KCNH5: variants seen among roughly 807,000 people sequenced by gnomAD.
The protein encoded by KCNH5 is potassium voltage-gated channel subfamily H member 5, also known as voltage-gated delayed rectifier potassium channel KCNH5.
Under a neutral mutation model 96.1 loss-of-function variants are expected in KCNH5, and 46 were observed. The observed-to-expected ratio is 0.48, with a 90% CI of 0.38 to 0.61. KCNH5 has a LOEUF of 0.61. Among genes scored for constraint, KCNH5 ranks in the 20% least tolerant of loss-of-function variants. KCNH5 has a pLI of 0.00. For synonymous variants in KCNH5, 439 were observed against 449.8 expected (o/e 0.98, Z 0.30); for missense variants, 907 against 1,225.8 (o/e 0.74, Z 3.88).
chr14:62,950,493 T>C lies in KCNH5; in HGVS notation c.1009A>G (p.Lys337Glu). The C allele has an allele frequency of 1.2e-6, 2 of 1,611,338 alleles. No homozygotes were observed. The highest frequency in any genetic ancestry group is 1.7e-6 in the Non-Finnish European group (2 of 1,179,920). ...CCATATTCTAGGTAATGGTCCAGTT[T>C]CCTAGCCACACGGCCCAGTCGTAAG... ...RLLRLGRVARKLDHYLEYGAA... is the reference protein window; with the variant it reads ...RLLRLGRVARELDHYLEYGAA... The change falls in exon 7 of 11, where the codon AAA becomes GAA. Residue 337 changes from lysine to glutamate, a missense_variant. This residue lies in a region of KCNH5 where 370 missense variants were observed against 561.3 expected (regional missense o/e 0.66). Coordinates refer to ENST00000322893, the MANE Select transcript of KCNH5 (RefSeq NM_139318.5).
At chr14:62,816,267 G>A (rs1886976244) in intron 8 of KCNH5, among the ~76,000 whole-genome samples, 1 of 151,816 alleles carries the variant, frequency 6.6e-6, no homozygotes, top group African/African-American at 2.4e-5. Flanking sequence ...ATAGGTTATA[G>A]ATTTATATAA....
In KCNH5 at chr14:62,705,566, A is replaced by T. The variant is rs1458074554; in HGVS notation, c.*1942T>A. On this transcript the variant is annotated 3_prime_UTR_variant, in exon 11 of 11. Transcript: ENST00000322893. ...TACATGGAGACGTGTTCCCCTGAAA[A>T]CTTCCATTATGGTTAATGGAAGTTA... 1 of 151,928 alleles carries T rather than the reference A, an allele frequency of 6.6e-6. No homozygotes were observed. Among genetic ancestry groups the T allele is most frequent in the African/African-American group, 2.4e-5 (1 of 41,412 alleles). The allele number at this position is 151,928 out of a possible 1,614,324, so 9.4% of individuals were successfully genotyped here.
chr14:62,817,899 T>C (rs1055163819), intron 8 of KCNH5, among the ~76,000 whole-genome samples: 28 of 143,134 alleles, frequency 2.0e-4, no homozygotes, highest in African/African-American at 6.6e-4. Flanking sequence ...TAAATATAAA[T>C]ATAAATATAT....
intron 5 of KCNH5, among the ~76,000 whole-genome samples, chr14:62,982,611 T>C: frequency 6.6e-6 from 1 of 152,334 alleles, no homozygotes; most frequent in African/African-American, 2.4e-5. Context: ...AACTCTGAGT[T>C]ATAATATATG....
At position 62,980,994 on chromosome 14, in the gene KCNH5, C is replaced by A. The variant is rs182494425; in HGVS notation, c.820G>T (p.Gly274Cys). 1 of 1,614,088 alleles carries A rather than the reference C, an allele frequency of 6.2e-7. No individual in the cohort carries two copies. The change falls in exon 6 of 11, where the codon GGT (glycine) becomes TGT (cysteine). Residue 274 changes from glycine (G) to cysteine (C), a missense_variant. By Grantham distance (159) the Gly-to-Cys change is radical (BLOSUM62 -3). Around this residue, in one of 6 missense-constraint regions of KCNH5, gnomAD observed 370 missense variants for 561.3 expected, o/e 0.66. Coordinates refer to ENST00000322893, the MANE Select transcript of KCNH5 (RefSeq NM_139318.5). The part of the protein sequence containing the change: ...LNFHTTFVGP[G>C]GEVISDPKLI... ...TTAGGGTCAGAAATGACCTCTCCACCGGGCCCCACGAAAGTCGTGTGAAAA... is the reference window on the plus strand; with the variant it reads ...TTAGGGTCAGAAATGACCTCTCCACAGGGCCCCACGAAAGTCGTGTGAAAA...
At chr14:62,994,230 C>A (rs890220853) in intron 4 of KCNH5, among the ~76,000 whole-genome samples, 2 of 152,002 alleles carry the variant, frequency 1.3e-5, no homozygotes, top group African/African-American at 2.4e-5. Context: ...TTGGCTTCCA[C>A]AAGGAGAAGC....
chr14:62,984,905 T>C (rs2139572809), intron 5 of KCNH5, among the ~76,000 whole-genome samples: 1 of 152,316 alleles, frequency 6.6e-6, no homozygotes, highest in African/African-American at 2.4e-5. Flanking sequence ...GAGAAGATTG[T>C]CTTCTCTATG....
chr14:62,708,222 G>A lies in KCNH5; in HGVS notation c.2253C>T (p.Ser751=), dbSNP rs772353105. 32 of 1,614,046 alleles carry A rather than the reference G, an allele frequency of 2.0e-5. No individual in the cohort carries two copies. Among genetic ancestry groups the A allele is most frequent in the East Asian group, 4.5e-5 (2 of 44,892 alleles). The change falls in exon 11 of 11, where the codon AGC becomes AGT. Residue 751 remains serine, a synonymous_variant. Transcript: ENST00000322893. ...GAGTAATCTGTGACACAGTCACCAC[G>A]CTGGTTCCGGTGATGGAGGCTCCAT... ...LQNGASITGT[S]VVTVSQITPI... is the part of the protein sequence containing the mutation.
chr14:63,043,340 T>A (rs1457148052), intron 1 of KCNH5, among the ~76,000 whole-genome samples: 1 of 152,128 alleles, frequency 6.6e-6, no homozygotes, highest in Non-Finnish European at 1.5e-5. Context: ...AAAAGTTCTC[T>A]CATAGACCAA....
chr14:62,929,724 T>C (rs974414888), intron 7 of KCNH5, among the ~76,000 whole-genome samples: 8 of 152,200 alleles, frequency 5.3e-5, no homozygotes, highest in Admixed American at 2.0e-4. Context: ...AAGATACGTG[T>C]AGATTTGTTA....
chr14:63,015,484 T>C (rs1233185467), intron 2 of KCNH5, among the ~76,000 whole-genome samples: 1 of 152,108 alleles, frequency 6.6e-6, no homozygotes, highest in East Asian at 1.9e-4. Flanking sequence ...TTTCTCTCTC[T>C]GTATGTACGT....
intron 8 of KCNH5, among the ~76,000 whole-genome samples, chr14:62,817,209 T>C (rs1887002347): frequency 7.3e-6 from 1 of 137,812 alleles, no homozygotes; most frequent in Non-Finnish European, 1.5e-5. Context: ...ATATCATATA[T>C]TATATATTAT....
intron 4 of KCNH5, among the ~76,000 whole-genome samples, chr14:63,000,488 C>G (rs888865601): frequency 6.6e-6 from 1 of 152,110 alleles, no homozygotes; most frequent in African/African-American, 2.4e-5. Context: ...CTATTATAGT[C>G]AATAAGACTA....
In KCNH5 at chr14:62,749,062, C is replaced by A. The variant is rs868655924; in HGVS notation, c.2019+30666G>T. On this transcript the variant is annotated intron_variant, in intron 10 of 10. Coordinates refer to ENST00000322893, the MANE Select transcript of KCNH5 (RefSeq NM_139318.5). ...TAGTCTGGAACATACACACAGCACT[C>A]GGCTTTGATCAAAGCACAAGTTCTC... is the stretch of plus-strand genomic sequence containing the variant. 4.6e-5 allele frequency among the ~76,000 whole-genome samples: 7 copies of A among 152,108 alleles called. No homozygotes were observed. In the South Asian group the frequency reaches 8.3e-4, roughly 18 times the overall value.
chr14:62,981,853 C>T (rs1890614147), intron 5 of KCNH5, among the ~76,000 whole-genome samples: 1 of 152,010 alleles, frequency 6.6e-6, no homozygotes, highest in African/African-American at 2.4e-5. Context: ...CTGCAAATTT[C>T]CTTTAGGGAA....
At chr14:62,864,125 G>A (rs1320289829) in intron 7 of KCNH5, among the ~76,000 whole-genome samples, 2 of 152,194 alleles carry the variant, frequency 1.3e-5, no homozygotes, top group African/African-American at 2.4e-5. Flanking sequence ...AAATGTTAAC[G>A]TTGTTACTTT....
chr14:62,840,319 G>A (rs903266910), intron 8 of KCNH5, among the ~76,000 whole-genome samples: 3 of 151,936 alleles, frequency 2.0e-5, no homozygotes, highest in Non-Finnish European at 2.9e-5. Flanking sequence ...GCTATTATGA[G>A]AAAAGAAGAA....
chr14:63,043,787 A>C (rs1002611535), intron 1 of KCNH5, among the ~76,000 whole-genome samples: 1 of 152,220 alleles, frequency 6.6e-6, no homozygotes, highest in African/African-American at 2.4e-5. Context: ...TTACAAGCCT[A>C]GTCTTAAAAG....
chr14:62,902,587 A>G (rs2140094233), intron 7 of KCNH5, among the ~76,000 whole-genome samples: 1 of 152,316 alleles, frequency 6.6e-6, no homozygotes, highest in South Asian at 2.1e-4. Flanking sequence ...GTAAGAGCCC[A>G]ATTTTTTAGT....
Sources: allele counts gnomAD v4.1 joint callset (sites outside exome capture counted in the v4.1 genomes callset), GRCh38; gene constraint gnomAD v4.1.1; regional missense constraint gnomAD v4.1.1; transcripts MANE v1.5; gene names NCBI Gene and HGNC (gene_info 2026-07-23, HGNC 2026-07-21).